Variants in GARNL3 observed in about 807,000 individuals in gnomAD.
The protein encoded by GARNL3 is GTPase activating Rap/RanGAP domain like 3, also known as GTPase-activating Rap/Ran-GAP domain-like protein 3.
A neutral mutation model predicts 125.0 loss-of-function variants in GARNL3; 63 were observed. The observed-to-expected ratio is 0.50, with a 90% CI of 0.41 to 0.62. The LOEUF (loss-of-function observed/expected upper bound fraction) is 0.62, where lower values mean the gene tolerates loss of function less well. Among genes scored for constraint, GARNL3 ranks in the 20% least tolerant of loss-of-function variants. The pLI is 0.00. For missense variants in GARNL3, 994 were observed against 1,244.0 expected, an observed-to-expected ratio of 0.80 and a Z score of 3.02; for synonymous variants, 439 against 457.5, an observed-to-expected ratio of 0.96 and a Z score of 0.52.
chr9:127,291,381 G>A (rs1437090733), intron 2 of GARNL3, 139 bp downstream of exon 2: 2 of 729,500 alleles, frequency 2.7e-6, no homozygotes, highest in Non-Finnish European at 4.7e-6. Context: ...GGAAATGTCA[G>A]TATTCTGGCA....
At chr9:127,290,585 C>CTG (rs1325010663) in intron 1 of GARNL3, among the ~76,000 whole-genome samples, 1 of 152,206 alleles carries the variant, frequency 6.6e-6, no homozygotes, top group African/African-American at 2.4e-5. Context: ...GTGCCAAGCC[C>CTG]TGGTGTGTTC....
chr9:127,289,931 G>A (rs550385949), intron 1 of GARNL3, among the ~76,000 whole-genome samples: 6 of 152,110 alleles, frequency 3.9e-5, no homozygotes, highest in African/African-American at 7.2e-5. Flanking sequence ...ACCTAATCAC[G>A]GACATTCTCT....
chr9:127,287,333 ATCT>A (rs2064279718), intron 1 of GARNL3, among the ~76,000 whole-genome samples: 2 of 152,264 alleles, frequency 1.3e-5, no homozygotes, highest in Non-Finnish European at 2.9e-5. Flanking sequence ...CCTGAGCCAA[ATCT>A]TCTCCCAAAA....
chr9:127,271,203 G>T (rs10117671), intron 1 of GARNL3, among the ~76,000 whole-genome samples: 20,747 of 149,956 alleles, frequency 0.14, 5,633 homozygotes, highest in African/African-American at 0.47. Flanking sequence ...TAGTGAAAAT[G>T]TCTTCCTCTG....
At chr9:127,244,581 G>A (rs2063263988) in intron 2 of GARNL3, among the ~76,000 whole-genome samples, 1 of 152,202 alleles carries the variant, frequency 6.6e-6, no homozygotes, top group Admixed American at 6.5e-5. Context: ...TGTGGTAGAC[G>A]TTGAGAAACG....
intron 17 of GARNL3, among the ~76,000 whole-genome samples, chr9:127,350,422 T>G (rs747724817): frequency 2.0e-5 from 3 of 152,120 alleles, no homozygotes; most frequent in Admixed American, 6.6e-5. Flanking sequence ...TGGCACATAG[T>G]AGTAACTTAT....
At chr9:127,294,146 A>C (rs1042335314) in intron 2 of GARNL3, among the ~76,000 whole-genome samples, 2 of 152,198 alleles carry the variant, frequency 1.3e-5, no homozygotes, top group Non-Finnish European at 2.9e-5. Context: ...TTTGTCCCCA[A>C]CAAGGTCACC....
intron 1 of GARNL3, among the ~76,000 whole-genome samples, chr9:127,290,670 AG>A (rs2064387207): frequency 1.3e-5 from 2 of 152,240 alleles, no homozygotes; most frequent in Admixed American, 1.3e-4. Context: ...GCTAAAACAC[AG>A]TCTGCCTGCC....
At chr9:127,366,302 C>A (rs1205174140) in intron 22 of GARNL3, among the ~76,000 whole-genome samples, 2 of 152,160 alleles carry the variant, frequency 1.3e-5, no homozygotes, top group Non-Finnish European at 2.9e-5. Flanking sequence ...GGTGGTTAAA[C>A]CTCTTCAACA....
chr9:127,336,870 T>C (rs560323381), intron 11 of GARNL3, among the ~76,000 whole-genome samples: 9 of 152,328 alleles, frequency 5.9e-5, no homozygotes, highest in Non-Finnish European at 1.2e-4. Flanking sequence ...TCCCAGACCA[T>C]GACAGCAAAA....
intron 1 of GARNL3, 60 bp from the exon 2 acceptor site, chr9:127,291,108 T>C: frequency 6.5e-7 from 1 of 1,534,718 alleles, no homozygotes; most frequent in East Asian, 2.2e-5. Flanking sequence ...ATAGGATAAT[T>C]ACATACAGAT....
rs181497872 is a variant in GARNL3, at chr9:127,258,605, C to T, written c.144-6347C>T. On this transcript the variant is annotated intron_variant, in intron 2 of 10. Coordinates refer to the GARNL3 transcript ENST00000439286. ...AGTGAGCTGTGATGCTGCCACTGCA[C>T]TCCATCCTGGGCCAAAGAGTGAGAC... Among the ~76,000 whole-genome samples the T allele has an allele frequency of 7.7e-3, 1,170 of 152,238 alleles. 16 individuals are homozygous for T. Among genetic ancestry groups the T allele is most frequent in the African/African-American group, 0.025 (1,052 of 41,534 alleles).
chr9:127,292,707 C>T (rs1357645331), intron 2 of GARNL3, among the ~76,000 whole-genome samples: 1 of 152,228 alleles, frequency 6.6e-6, no homozygotes, highest in African/African-American at 2.4e-5. Flanking sequence ...TCATGTGATC[C>T]TTAATCACCA....
At position 127,291,216 on chromosome 9, in the gene GARNL3, A is replaced by G; in HGVS notation, c.193A>G (p.Arg65Gly). 2 of 1,614,150 alleles carry G rather than the reference A, an allele frequency of 1.2e-6. No individual in the cohort carries two copies. Among genetic ancestry groups the G allele is most frequent in the Non-Finnish European group, 1.7e-6 (2 of 1,180,004 alleles). Residue 65 changes from arginine (R) to glycine (G), a missense_variant, in exon 2 of 28, where the codon AGA becomes GGA. This residue lies in a region of GARNL3 where 139 missense variants were observed against 231.6 expected (regional missense o/e 0.60). Transcript: ENST00000373387. ...AGCCATCCAAAGGGCTGGAAGATTC[A>G]GAGTGGAAAATGGCTCTTCAGATGA... is the stretch of plus-strand genomic sequence containing the variant. ...DGAIQRAGRF[R>G]VENGSSDENA...
At chr9:127,273,471 T>C (rs898984074) in intron 1 of GARNL3, among the ~76,000 whole-genome samples, 10 of 152,248 alleles carry the variant, frequency 6.6e-5, no homozygotes, top group Non-Finnish European at 1.3e-4. Flanking sequence ...ATTAAGAATG[T>C]CCATAAGGAG....
chr9:127,327,830 C>T (rs1364883547), intron 7 of GARNL3, among the ~76,000 whole-genome samples: 1 of 152,086 alleles, frequency 6.6e-6, no homozygotes, highest in Non-Finnish European at 1.5e-5. Flanking sequence ...AAAAGAAATA[C>T]ACAAAAGATA....
chr9:127,332,189 G>T, intron 7 of GARNL3, 85 bp from the exon 8 acceptor site: 1 of 952,468 alleles, frequency 1.0e-6, no homozygotes, highest in Non-Finnish European at 1.7e-6. Flanking sequence ...GACTGCCATT[G>T]TGCTAAGTCA....
intron 21 of GARNL3, 80 bp downstream of exon 21, chr9:127,357,457 A>C: frequency 7.3e-7 from 1 of 1,368,902 alleles, no homozygotes; most frequent in Non-Finnish European, 1.0e-6. Flanking sequence ...ACATGCCATG[A>C]TTTGGATTTC....
chr9:127,355,196 T>C (rs1461903995), intron 19 of GARNL3, 101 bp from the exon 20 acceptor site: 3 of 880,142 alleles, frequency 3.4e-6, no homozygotes, highest in Admixed American at 4.1e-5. Context: ...CACTGAGTTA[T>C]GCTTAATTTC....
Sources: gnomAD v4.1 joint callset for allele counts (sites outside exome capture counted in the v4.1 genomes callset) on GRCh38, gnomAD v4.1.1 for gene constraint, gnomAD v4.1.1 regional missense constraint, MANE v1.5 for transcripts, NCBI Gene and HGNC (gene_info 2026-07-23, HGNC 2026-07-21) for gene names.